TIMD4: variants seen among roughly 807,000 people sequenced by gnomAD.
The protein encoded by TIMD4 is T-cell immunoglobulin and mucin domain-containing protein 4.
In TIMD4, 31 loss-of-function variants were observed where a neutral mutation model predicts 41.2. The ratio of observed to expected loss-of-function variants is 0.75; its 90% CI spans 0.57 to 1.01. The LOEUF is 1.01. Among genes scored for constraint, TIMD4 ranks in the 50% least tolerant of loss-of-function variants. The probability of loss-of-function intolerance (pLI) is 0.00; values close to 1 mark genes in which losing one functional copy is unlikely to be tolerated. For synonymous variants in TIMD4, 204 were observed against 177.1 expected (o/e 1.15, Z -1.21); for missense variants, 479 against 472.5 (o/e 1.01, Z -0.13).
In TIMD4 at chr5:156,930,863, T is replaced by C. The variant is rs113403231; in HGVS notation, c.845-4551A>G. ...AAATAATGACACCCAAATATGTCCA[T>C]GTCCTAATCTTCAGAAACTGTGAAT... On this transcript the variant is annotated intron_variant, in intron 5 of 8. Transcript: ENST00000274532. Among the ~76,000 whole-genome samples the C allele has an allele frequency of 5.6e-3, 853 of 152,346 alleles. 10 individuals are homozygous for C. The highest frequency in any genetic ancestry group is 0.018 in the African/African-American group (768 of 41,592).
In TIMD4 at chr5:156,926,338, G is replaced by A. The variant is rs755663652; in HGVS notation, c.845-26C>T. ...CTGGGAAGGAAAAGAGAAGAAAATG[G>A]TTATATGTCTGGTTGGGGAATAAAA... On this transcript the variant is annotated intron_variant, in intron 5 of 8. Transcript: ENST00000274532. 21 of 1,612,426 alleles carry A rather than the reference G, an allele frequency of 1.3e-5. No homozygotes were observed. In the Admixed American group the frequency reaches 3.3e-4, roughly 26 times the overall value.
At chr5:156,936,638 T>C (rs959766154) in intron 5 of TIMD4, among the ~76,000 whole-genome samples, 1 of 151,600 alleles carries the variant, frequency 6.6e-6, no homozygotes, top group African/African-American at 2.4e-5. Flanking sequence ...GTGAATACAA[T>C]GGGAAGAGTG....
intron 1 of TIMD4, among the ~76,000 whole-genome samples, chr5:156,961,371 C>T (rs1024753493): frequency 2.6e-5 from 4 of 152,182 alleles, no homozygotes; most frequent in Non-Finnish European, 5.9e-5. Context: ...CCAACAATCC[C>T]ACTACTGGGG....
chr5:156,951,800 A>G lies in TIMD4; in HGVS notation c.401-10T>C. 1.2e-6 allele frequency: 2 copies of G among 1,613,670 alleles called. No individual in the cohort carries two copies. Among genetic ancestry groups the G allele is most frequent in the Non-Finnish European group, 1.7e-6 (2 of 1,179,662 alleles). Reference sequence around the variant, plus strand: ...TGCGTGGTTGTTGAGGCTGTAACCAACAACAGACATGTTTGGCACCAAGCG... The same window carrying G: ...TGCGTGGTTGTTGAGGCTGTAACCAGCAACAGACATGTTTGGCACCAAGCG... On this transcript the variant is annotated splice_polypyrimidine_tract_variant and intron_variant, in intron 2 of 8. Transcript: ENST00000274532.
chr5:156,957,440 G>A (rs1045410883), intron 1 of TIMD4, among the ~76,000 whole-genome samples: 1 of 150,520 alleles, frequency 6.6e-6, no homozygotes, highest in Non-Finnish European at 1.5e-5. Flanking sequence ...TGGAACCCAG[G>A]AGGCGGAGGT....
At chr5:156,941,389 C>T (rs986137305) in intron 5 of TIMD4, among the ~76,000 whole-genome samples, 5 of 152,194 alleles carry the variant, frequency 3.3e-5, no homozygotes, top group African/African-American at 1.2e-4. Flanking sequence ...GTCGATCATA[C>T]AAGCCCCTTA....
intron 5 of TIMD4, among the ~76,000 whole-genome samples, chr5:156,945,265 T>C (rs1262973418): frequency 6.6e-6 from 1 of 152,168 alleles, no homozygotes; most frequent in Admixed American, 6.5e-5. Flanking sequence ...GACAAGTTTT[T>C]AATCTTCAAG....
At chr5:156,937,125 T>C (rs2113361380) in intron 5 of TIMD4, among the ~76,000 whole-genome samples, 1 of 152,260 alleles carries the variant, frequency 6.6e-6, no homozygotes, top group Non-Finnish European at 1.5e-5. Flanking sequence ...GTCTATGAGC[T>C]AAGTAAACTT....
rs1433515559 is a variant in TIMD4 at position 156,954,632 on chromosome 5, G to A, written c.183C>T (p.Tyr61=). The A allele has an allele frequency of 6.2e-7, 1 of 1,614,244 alleles. No individual in the cohort carries two copies. The highest frequency in any genetic ancestry group is 1.3e-5 in the African/African-American group (1 of 75,064). Residue 61 remains tyrosine, a synonymous_variant, in exon 2 of 9, where the codon TAC becomes TAT. Coordinates refer to ENST00000274532, the MANE Select transcript of TIMD4 (RefSeq NM_138379.3). ...SMCWGKDQCP[Y]SGCKEALIRT... ...GGATGAGCGCCTCCTTGCAACCGGA[G>A]TAGGGGCACTGGTCTTTCCCCCAGC...
intron 2 of TIMD4, among the ~76,000 whole-genome samples, chr5:156,954,056 GT>G (rs962612809): frequency 1.3e-5 from 2 of 152,238 alleles, no homozygotes; most frequent in African/African-American, 4.8e-5. Context: ...AGTTCATGCA[GT>G]TTTTTTATTA....
chr5:156,943,464 C>T (rs755548144), intron 5 of TIMD4, among the ~76,000 whole-genome samples: 30 of 152,122 alleles, frequency 2.0e-4, no homozygotes, highest in Non-Finnish European at 3.7e-4. Flanking sequence ...AATCAGGAGC[C>T]TTTGCACTCC....
intron 5 of TIMD4, among the ~76,000 whole-genome samples, chr5:156,938,154 G>C (rs1215845584): frequency 6.6e-6 from 1 of 152,192 alleles, no homozygotes; most frequent in Non-Finnish European, 1.5e-5. Flanking sequence ...GTAGGGCAAT[G>C]AGCTCTAATT....
chr5:156,963,082 C>T (rs1425924916), intron 1 of TIMD4, 59 bp downstream of exon 1: 20 of 1,555,302 alleles, frequency 1.3e-5, no homozygotes, highest in Non-Finnish European at 4.4e-6. Flanking sequence ...GCATGGAAAT[C>T]CATCACACAA....
At position 156,927,561 on chromosome 5, in the gene TIMD4, C is replaced by T. The variant is rs560793717; in HGVS notation, c.845-1249G>A. Among the ~76,000 whole-genome samples, 3 of 152,210 alleles carry T rather than the reference C, an allele frequency of 2.0e-5. No homozygotes were observed. In the South Asian group the frequency reaches 6.2e-4, roughly 32 times the overall value. On this transcript the variant is annotated intron_variant, in intron 5 of 8. Transcript: ENST00000274532. ...AGAAATGTTTAAGCATGATATGGTC[C>T]AGTTAGGAGGATAAGGGAAGAGCCA...
At chr5:156,955,876 A>G (rs1361836617) in intron 1 of TIMD4, among the ~76,000 whole-genome samples, 1 of 152,232 alleles carries the variant, frequency 6.6e-6, no homozygotes, top group African/African-American at 2.4e-5. Context: ...GTATATATTT[A>G]TAGGATACAA....
chr5:156,926,425 A>G (rs771149161), intron 5 of TIMD4, 113 bp from the exon 6 acceptor site: 1 of 1,037,210 alleles, frequency 9.6e-7, no homozygotes, highest in Non-Finnish European at 1.4e-6. Context: ...GTGTTTAATT[A>G]TTTAATCCCG....
intron 5 of TIMD4, among the ~76,000 whole-genome samples, chr5:156,946,285 G>T (rs1365131105): frequency 6.6e-6 from 1 of 152,088 alleles, no homozygotes. Context: ...AGAGGGTTTG[G>T]ATCTTTGGCA....
chr5:156,925,527 T>C (rs1264362460), intron 6 of TIMD4, among the ~76,000 whole-genome samples: 1 of 152,194 alleles, frequency 6.6e-6, no homozygotes, highest in African/African-American at 2.4e-5. Flanking sequence ...GAAACTTTAC[T>C]TATCCTTTAC....
At chr5:156,930,121 C>T (rs534988352) in intron 5 of TIMD4, among the ~76,000 whole-genome samples, 5 of 152,110 alleles carry the variant, frequency 3.3e-5, no homozygotes, top group Admixed American at 6.6e-5. Context: ...CAGGTATGCA[C>T]CACCAATTTT....
Sources: gnomAD v4.1 joint callset for allele counts (sites outside exome capture counted in the v4.1 genomes callset) on GRCh38, gnomAD v4.1.1 for gene constraint, MANE v1.5 for transcripts, NCBI Gene and HGNC (gene_info 2026-07-23, HGNC 2026-07-21) for gene names.